SUGCT: variants seen among roughly 807,000 people sequenced by gnomAD.
The protein encoded by SUGCT is succinyl-CoA:glutarate-CoA transferase, also known as succinyl-CoA:glutarate CoA-transferase.
In SUGCT, 41 loss-of-function variants were observed where a neutral mutation model predicts 55.0. That is an observed-to-expected ratio of 0.74 (90% CI 0.58 to 0.97). The LOEUF (loss-of-function observed/expected upper bound fraction) is 0.97, where lower values mean the gene tolerates loss of function less well. SUGCT is among the 50% of genes least tolerant of loss of function. The pLI is 0.00. For missense variants in SUGCT, 568 were observed against 547.8 expected (o/e 1.04, Z -0.37); for synonymous variants, 187 against 200.4 (o/e 0.93, Z 0.56).
chr7:40,630,537 T>C (rs1246185078), intron 12 of SUGCT, among the ~76,000 whole-genome samples: 1 of 152,228 alleles, frequency 6.6e-6, no homozygotes, highest in Non-Finnish European at 1.5e-5. Flanking sequence ...TGCCTGTGCA[T>C]AATGGAATAT....
intron 9 of SUGCT, among the ~76,000 whole-genome samples, chr7:40,365,662 A>G (rs1157839339): frequency 2.0e-5 from 3 of 151,758 alleles, no homozygotes; most frequent in Non-Finnish European, 4.4e-5. Flanking sequence ...TCCCATTCAC[A>G]ATTGCTTCAA....
chr7:40,221,848 A>G (rs1788042067), intron 6 of SUGCT, among the ~76,000 whole-genome samples: 1 of 152,228 alleles, frequency 6.6e-6, no homozygotes, highest in Non-Finnish European at 1.5e-5. Context: ...CAGAAGGAAC[A>G]GTTCTATAAA....
rs1425264484 is a variant in SUGCT, at chr7:40,138,422, A to G, written c.100+3302A>G. On this transcript the variant is annotated intron_variant, in intron 1 of 13. Coordinates refer to ENST00000335693, the MANE Select transcript of SUGCT (RefSeq NM_001193313.2). Reference sequence around the variant, plus strand: ...TGATGGGCACTTAGGTTGATTTCATATCTTTGCTTTTATGAATAGTGCCGT... The same window carrying G: ...TGATGGGCACTTAGGTTGATTTCATGTCTTTGCTTTTATGAATAGTGCCGT... 2.0e-5 allele frequency among the ~76,000 whole-genome samples: 3 copies of G among 152,148 alleles called. No individual in the cohort carries two copies. The East Asian group carries it at 5.8e-4, about 29-fold the overall frequency.
At chr7:40,496,409 C>T (rs759151131) in intron 12 of SUGCT, 23 bp downstream of exon 12, 20 of 1,499,322 alleles carry the variant, frequency 1.3e-5, no homozygotes, top group East Asian at 2.3e-5. Flanking sequence ...AGTTTAACAA[C>T]GCCTCTGTTT....
intron 9 of SUGCT, among the ~76,000 whole-genome samples, chr7:40,419,790 T>A (rs1217905588): frequency 1.3e-5 from 2 of 152,176 alleles, no homozygotes; most frequent in African/African-American, 2.4e-5. Context: ...CCTGCTTCTT[T>A]GTTTTGTCTG....
intron 9 of SUGCT, among the ~76,000 whole-genome samples, chr7:40,328,124 C>T (rs1335439736): frequency 6.6e-6 from 1 of 152,184 alleles, no homozygotes; most frequent in Admixed American, 6.5e-5. Context: ...ACCTTTTCCT[C>T]TACATAATTT....
intron 13 of SUGCT, among the ~76,000 whole-genome samples, chr7:40,786,444 T>G (rs1790017845): frequency 6.6e-6 from 1 of 152,202 alleles, no homozygotes. Flanking sequence ...CATAGTTACT[T>G]GGCTTAAACT....
chr7:40,311,916 A>G (rs558760460), intron 8 of SUGCT, among the ~76,000 whole-genome samples: 6 of 152,230 alleles, frequency 3.9e-5, no homozygotes, highest in South Asian at 2.1e-4. Flanking sequence ...TTTAAAATAA[A>G]TAAGTCTTAC....
At chr7:40,252,830 A>G (rs1473336036) in intron 7 of SUGCT, among the ~76,000 whole-genome samples, 3 of 151,894 alleles carry the variant, frequency 2.0e-5, no homozygotes, top group African/African-American at 7.3e-5. Context: ...TTCAGTTTTT[A>G]TAGAGACAGG....
chr7:40,616,427 C>A (rs1032827737), intron 12 of SUGCT, among the ~76,000 whole-genome samples: 3 of 152,098 alleles, frequency 2.0e-5, no homozygotes, highest in African/African-American at 7.2e-5. Flanking sequence ...AGTGATCTAC[C>A]CGCCTCAGCC....
intron 1 of SUGCT, among the ~76,000 whole-genome samples, chr7:40,162,503 G>T (rs1442878234): frequency 2.0e-5 from 3 of 151,794 alleles, no homozygotes; most frequent in African/African-American, 4.8e-5. Context: ...GTTAGACAGG[G>T]TCTTCCTCTG....
intron 12 of SUGCT, among the ~76,000 whole-genome samples, chr7:40,497,179 T>C (rs2151520725): frequency 6.6e-6 from 1 of 152,306 alleles, no homozygotes; most frequent in African/African-American, 2.4e-5. Context: ...CTTGTCAGTT[T>C]CCAAAATTCA....
chr7:41,003,886 C>T, the SUGCT span, among the ~76,000 whole-genome samples: 2 of 152,154 alleles, frequency 1.3e-5, no homozygotes, highest in African/African-American at 4.8e-5. Context: ...TGATATAATG[C>T]GATTGAAATC....
At chr7:40,560,313 A>G (rs1795772074) in intron 12 of SUGCT, among the ~76,000 whole-genome samples, 1 of 152,188 alleles carries the variant, frequency 6.6e-6, no homozygotes, top group Non-Finnish European at 1.5e-5. Context: ...ACACATGCAT[A>G]CATGTTTTCC....
intron 7 of SUGCT, among the ~76,000 whole-genome samples, chr7:40,239,557 A>T (rs1789240816): frequency 6.6e-6 from 1 of 152,224 alleles, no homozygotes; most frequent in Non-Finnish European, 1.5e-5. Flanking sequence ...TCTGGGATTT[A>T]AAAATTTCTA....
At chr7:40,154,582 A>G (rs986890336) in intron 1 of SUGCT, among the ~76,000 whole-genome samples, 3 of 152,018 alleles carry the variant, frequency 2.0e-5, no homozygotes, top group Admixed American at 6.6e-5. Flanking sequence ...GGCTCAAGCA[A>G]TCCTCCCAAA....
intron 12 of SUGCT, among the ~76,000 whole-genome samples, chr7:40,609,655 ACT>A (rs1798685594): frequency 6.6e-6 from 1 of 152,032 alleles, no homozygotes; most frequent in Non-Finnish European, 1.5e-5. Context: ...TGCACTGAAA[ACT>A]CTTAAAAAAA....
the SUGCT span, among the ~76,000 whole-genome samples, chr7:40,974,519 A>G: frequency 6.6e-6 from 1 of 152,212 alleles, no homozygotes; most frequent in Non-Finnish European, 1.5e-5. Context: ...ATCCCTGCCA[A>G]ATCTTGATCT....
intron 12 of SUGCT, among the ~76,000 whole-genome samples, chr7:40,685,688 T>C (rs1784433435): frequency 6.6e-6 from 1 of 152,178 alleles, no homozygotes; most frequent in Non-Finnish European, 1.5e-5. Context: ...GTAATATGTT[T>C]TAGTGTAGAT....
Sources: allele counts gnomAD v4.1 joint callset (sites outside exome capture counted in the v4.1 genomes callset), GRCh38; gene constraint gnomAD v4.1.1; transcripts MANE v1.5; gene names NCBI Gene and HGNC (gene_info 2026-07-23, HGNC 2026-07-21).